CALY: variants seen among roughly 807,000 people sequenced by gnomAD.
CALY encodes the protein neuron-specific vesicular protein calcyon.
CALY carries 15 observed loss-of-function variants against 20.2 expected under a neutral mutation model. The observed-to-expected ratio is 0.74, with a 90% confidence interval of 0.50 to 1.14. The LOEUF (loss-of-function observed/expected upper bound fraction) is 1.14. Among genes scored for constraint, CALY ranks in the 50% most tolerant of loss-of-function variants. CALY has a pLI of 0.00. For synonymous variants in CALY, 129 were observed against 131.8 expected (o/e 0.98, Z 0.15); for missense variants, 270 against 304.4 (o/e 0.89, Z 0.84).
intron 4 of CALY, chr10:133,326,328 A>C: frequency 1.3e-6 from 2 of 1,490,480 alleles, no homozygotes; most frequent in Middle Eastern, 1.7e-4. Context: ...GGGAGGGGCC[A>C]CCCAGGGAGA....
chr10:133,330,754 A>G (rs925128128), intron 1 of CALY, among the ~76,000 whole-genome samples: 3 of 149,752 alleles, frequency 2.0e-5, no homozygotes, highest in Non-Finnish European at 3.0e-5. Context: ...AACCATTTAC[A>G]GGGAAAGTAA....
Position 133,336,088 on chromosome 10 carries a change from G to A in CALY, c.-21+746C>T, listed in dbSNP as rs1309650016. Among the ~76,000 whole-genome samples the A allele has an allele frequency of 3.3e-5, 5 of 152,238 alleles. No homozygotes were observed. In the South Asian group the frequency reaches 8.3e-4, roughly 25 times the overall value. On this transcript the variant is annotated intron_variant, in intron 1 of 5. Coordinates refer to ENST00000252939, the MANE Select transcript of CALY (RefSeq NM_015722.4). ...GCCGGGCACCAGCGCGTGTGACTGC[G>A]GATCTGAGGGTCCCGCCCAGCCCCC...
At chr10:133,329,939 C>T (rs1407599312) in intron 1 of CALY, among the ~76,000 whole-genome samples, 1 of 152,204 alleles carries the variant, frequency 6.6e-6, no homozygotes, top group African/African-American at 2.4e-5. Flanking sequence ...GTCAGCCCAG[C>T]TGCGAGCCTG....
Position 133,324,876 on chromosome 10 carries a change from A to C in CALY, c.*719T>G. The C allele has an allele frequency of 1.1e-5, 3 of 266,852 alleles. No homozygotes were observed. Among genetic ancestry groups the C allele is most frequent in the South Asian group, 3.3e-5 (1 of 30,568 alleles). The allele number at this position is 266,852 out of a possible 1,614,324, so 16.5% of individuals were successfully genotyped here. ...TCATCTGGCTCCAGGGACACGGGAG[A>C]CCCCAGCCCCCAGGAACCAGAGCTC... On this transcript the variant is annotated 3_prime_UTR_variant, in exon 6 of 6. Coordinates refer to ENST00000252939, the MANE Select transcript of CALY (RefSeq NM_015722.4).
intron 1 of CALY, among the ~76,000 whole-genome samples, chr10:133,336,338 AC>A (rs1202450476): frequency 6.6e-6 from 1 of 152,060 alleles, no homozygotes; most frequent in Non-Finnish European, 1.5e-5. Context: ...CTTGCCTGTC[AC>A]GCAGACGCCC....
At chr10:133,335,183 T>G (rs886575739) in intron 1 of CALY, among the ~76,000 whole-genome samples, 5 of 138,468 alleles carry the variant, frequency 3.6e-5, no homozygotes, top group African/African-American at 1.1e-4. Context: ...CCCGCGGGGG[T>G]GGGGGTGCCG....
chr10:133,325,153 T>C lies in CALY; in HGVS notation c.*442A>G, dbSNP rs1169646769. The C allele has an allele frequency of 2.0e-5, 3 of 152,724 alleles. No homozygotes were observed. Among genetic ancestry groups the C allele is most frequent in the Non-Finnish European group, 4.4e-5 (3 of 68,904 alleles). 9.5% of individuals were successfully genotyped at this position (152,724 alleles called of 1,614,324 possible). A position where few individuals can be genotyped will look rare whatever the true frequency, so the allele number is the denominator to read the frequency against. ...CAAGGGGCTGGGCAGCGGATAGGGA[T>C]GGACCCGAGGCTCCCCTGGGTGGGC... On this transcript the variant is annotated 3_prime_UTR_variant, in exon 6 of 6. Coordinates refer to ENST00000252939, the MANE Select transcript of CALY (RefSeq NM_015722.4).
chr10:133,326,400 G>A, intron 4 of CALY: 2 of 763,174 alleles, frequency 2.6e-6, no homozygotes, highest in Admixed American at 4.9e-5. Flanking sequence ...GCGCTCCAGA[G>A]CATAAACCAT....
chr10:133,333,071 C>A, intron 1 of CALY, among the ~76,000 whole-genome samples: 1 of 151,888 alleles, frequency 6.6e-6, no homozygotes, highest in Non-Finnish European at 1.5e-5. Context: ...ACCAGTCTTT[C>A]TCGCCCTGCA....
At chr10:133,327,051 C>G in intron 3 of CALY, 60 bp from the exon 4 acceptor site, 3 of 1,173,430 alleles carry the variant, frequency 2.6e-6, no homozygotes, top group Non-Finnish European at 3.8e-6. Flanking sequence ...TTGTGGGGAG[C>G]TCCTCAGGGG....
At position 133,328,867 on chromosome 10, in the gene CALY, T is replaced by C. The variant is rs2133378367; in HGVS notation, c.123A>G (p.Pro41=). 6.5e-7 allele frequency: 1 copy of C among 1,542,496 alleles called. No homozygotes were observed. The highest frequency in any genetic ancestry group is 2.4e-5 in the East Asian group (1 of 41,068). ...SPLDISQLQP[P]LPDQVVIKTQ... ...CCCAGGCCCTCACCTGGTCAGGGAG[T>C]GGCGGCTGGAGCTGGCTGATGTCCA... Residue 41 remains proline (P), a synonymous_variant, in exon 2 of 6, where the codon CCA becomes CCG. Transcript: ENST00000252939.
intron 1 of CALY, among the ~76,000 whole-genome samples, chr10:133,333,459 C>T (rs1002438944): frequency 3.0e-5 from 3 of 100,608 alleles, no homozygotes; most frequent in Non-Finnish European, 5.7e-5. Flanking sequence ...GGGAGGGATC[C>T]GAAGGGGTAA....
chr10:133,335,074 G>T (rs992427153), intron 1 of CALY, among the ~76,000 whole-genome samples: 1 of 152,292 alleles, frequency 6.6e-6, no homozygotes, highest in Admixed American at 6.5e-5. Flanking sequence ...AGGAGCGATC[G>T]GTGGAAGCAG....
At chr10:133,327,424 G>A (rs146673115) in intron 3 of CALY, 6 of 518,560 alleles carry the variant, frequency 1.2e-5, no homozygotes, top group African/African-American at 7.7e-5. Context: ...TGAGGCCAGG[G>A]GCGGGGAGCC....
intron 3 of CALY, chr10:133,327,413 G>T (rs1019744288): frequency 4.0e-6 from 2 of 504,564 alleles, no homozygotes; most frequent in East Asian, 3.2e-5. Context: ...AGACTGGAAC[G>T]TGAGGCCAGG....
chr10:133,329,094 G>A (rs1779650688), intron 1 of CALY, 85 bp from the exon 2 acceptor site: 1 of 1,225,602 alleles, frequency 8.2e-7, no homozygotes, highest in African/African-American at 1.5e-5. Context: ...AGGACCCTGA[G>A]CTGGGCCTAA....
At chr10:133,328,509 C>G (rs1027478330) in intron 2 of CALY, among the ~76,000 whole-genome samples, 2 of 152,358 alleles carry the variant, frequency 1.3e-5, no homozygotes, top group African/African-American at 4.8e-5. Flanking sequence ...CAAGGACCCC[C>G]AGATCTCAGG....
At chr10:133,333,485 G>A (rs1003968998) in intron 1 of CALY, among the ~76,000 whole-genome samples, 1 of 148,724 alleles carries the variant, frequency 6.7e-6, no homozygotes, top group Non-Finnish European at 1.5e-5. Context: ...TGACGCGGGG[G>A]GAAGGATCCG....
chr10:133,335,305 C>A (rs1206064074), intron 1 of CALY, among the ~76,000 whole-genome samples: 1 of 152,168 alleles, frequency 6.6e-6, no homozygotes, highest in Non-Finnish European at 1.5e-5. Flanking sequence ...CGCACCAGGG[C>A]CCGCAGCGCC....
Sources: gnomAD v4.1 joint callset for allele counts (sites outside exome capture counted in the v4.1 genomes callset) on GRCh38, gnomAD v4.1.1 for gene constraint, MANE v1.5 for transcripts, NCBI Gene and HGNC (gene_info 2026-07-23, HGNC 2026-07-21) for gene names.